The following ARHGAP8 variants were observed in gnomAD, a reference collection of about 807,000 sequenced individuals.
The protein encoded by ARHGAP8 is rho GTPase-activating protein 8.
A neutral mutation model predicts 46.1 loss-of-function variants in ARHGAP8; 62 were observed. That is an observed-to-expected ratio of 1.34 (90% confidence interval 1.10 to 1.66). The LOEUF (loss-of-function observed/expected upper bound fraction) is 1.66, where lower values mean the gene tolerates loss of function less well. Ranked by LOEUF, ARHGAP8 falls within the 40% of genes most tolerant of loss-of-function variation. The pLI, the probability that ARHGAP8 is intolerant of heterozygous loss-of-function variation, is 0.00. For missense variants in ARHGAP8, 923 were observed against 568.4 expected (o/e 1.62, Z -6.34); for synonymous variants, 375 against 243.1 (o/e 1.54, Z -5.05).
intron 2 of ARHGAP8, among the ~76,000 whole-genome samples, chr22:44,792,573 A>G (rs1200391655): frequency 2.0e-5 from 3 of 152,232 alleles, no homozygotes; most frequent in Non-Finnish European, 4.4e-5. Flanking sequence ...TTCTTCGGCC[A>G]AGGGCTCTCC....
intron 6 of ARHGAP8, 149 bp downstream of exon 6, chr22:44,822,618 C>T (rs764394516): frequency 2.9e-5 from 19 of 658,892 alleles, no homozygotes; most frequent in South Asian, 1.2e-4. Flanking sequence ...GACAAAGATC[C>T]GCAGCAAAAG....
chr22:44,842,549 G>A (rs1351512287), intron 7 of ARHGAP8, among the ~76,000 whole-genome samples: 1 of 152,190 alleles, frequency 6.6e-6, no homozygotes, highest in Non-Finnish European at 1.5e-5. Flanking sequence ...GGGGTCACAG[G>A]CAGACCTCAG....
At chr22:44,798,254 G>T (rs953173178) in intron 2 of ARHGAP8, among the ~76,000 whole-genome samples, 3 of 152,156 alleles carry the variant, frequency 2.0e-5, no homozygotes, top group African/African-American at 7.2e-5. Context: ...GGAATTACAT[G>T]AGTGAGCCAC....
intron 2 of ARHGAP8, among the ~76,000 whole-genome samples, chr22:44,788,911 G>A (rs1255741985): frequency 1.3e-5 from 2 of 152,140 alleles, no homozygotes; most frequent in Admixed American, 6.5e-5. Context: ...TCCTGTGCAC[G>A]TGGAAAGAAT....
rs149853709 is a variant in ARHGAP8 at position 44,859,809 on chromosome 22, G to A, written c.956G>A (p.Arg319His). The change falls in exon 11 of 12, where the codon CGC becomes CAC. Residue 319 changes from arginine to histidine, a missense_variant. Transcript: ENST00000356099. ...SLPEHNYVVL[R>H]YLMGFLHAVS... ...CCAGAGCACAACTACGTCGTCCTCCGCTACCTCATGGGCTTCCTGCATGCG... is the reference window on the plus strand; with the variant it reads ...CCAGAGCACAACTACGTCGTCCTCCACTACCTCATGGGCTTCCTGCATGCG... 3.3e-5 allele frequency: 54 copies of A among 1,613,862 alleles called. No individual in the cohort carries two copies. The highest frequency in any genetic ancestry group is 2.4e-4 in the South Asian group (22 of 91,082).
chr22:44,837,592 A>C (rs913242660), intron 7 of ARHGAP8, among the ~76,000 whole-genome samples: 1 of 152,176 alleles, frequency 6.6e-6, no homozygotes, highest in Non-Finnish European at 1.5e-5. Flanking sequence ...CCACCCAGCC[A>C]GGAAACACAG....
chr22:44,770,603 A>G (rs1047015402), intron 1 of ARHGAP8, among the ~76,000 whole-genome samples: 3 of 152,192 alleles, frequency 2.0e-5, no homozygotes, highest in African/African-American at 7.2e-5. Context: ...ACCAGGTTTT[A>G]CCATGATGCC....
rs144784309 is a variant in ARHGAP8, at chr22:44,799,395, G to A, written c.80-2682G>A. ...CGGCCAGAGGGCATTGCGGATGCGGGGGGCAACAGCTTTTCTGCAGAGGTG... is the reference window on the plus strand; with the variant it reads ...CGGCCAGAGGGCATTGCGGATGCGGAGGGCAACAGCTTTTCTGCAGAGGTG... On this transcript the variant is annotated intron_variant, in intron 2 of 11. Transcript: ENST00000356099. Among the ~76,000 whole-genome samples, 17 of 152,334 alleles carry A rather than the reference G, an allele frequency of 1.1e-4. No individual in the cohort carries two copies. In the South Asian group the frequency reaches 2.5e-3, roughly 22 times the overall value.
In ARHGAP8 at chr22:44,822,809, G is replaced by A. The variant is rs750501062; in HGVS notation, c.485+340G>A. Among the ~76,000 whole-genome samples the A allele has an allele frequency of 5.9e-5, 9 of 152,200 alleles. No individual in the cohort carries two copies. The East Asian group carries it at 7.7e-4, about 13-fold the overall frequency. On this transcript the variant is annotated intron_variant, in intron 6 of 11. Transcript: ENST00000356099. ...AGAAAATTAGGAGAATTTCCCAGGC[G>A]TGTGGATAACGCTGTGTACAGAATG...
chr22:44,825,557 C>A lies in ARHGAP8; in HGVS notation c.560C>A (p.Pro187Gln). 1.9e-6 allele frequency: 3 copies of A among 1,613,328 alleles called. No homozygotes were observed. The highest frequency in any genetic ancestry group is 1.7e-6 in the Non-Finnish European group (2 of 1,179,808). Reference sequence around the variant, plus strand: ...ACCAAGACACCACCGCCGCGGCCCCCGCTGCCCACACAGCAGTTTGGCGTC... The same window carrying A: ...ACCAAGACACCACCGCCGCGGCCCCAGCTGCCCACACAGCAGTTTGGCGTC... ...PPTKTPPPRP[P>Q]LPTQQFGVSL... is the part of the protein sequence containing the mutation. The change falls in exon 7 of 12, where the codon CCG (proline) becomes CAG (glutamine). Residue 187 changes from proline to glutamine, a missense_variant. Physicochemically the swap from Pro to Gln is moderately conservative, Grantham distance 76 (BLOSUM62 -1). Coordinates refer to ENST00000356099, the MANE Select transcript of ARHGAP8 (RefSeq NM_181335.3).
At chr22:44,848,170 A>C in intron 9 of ARHGAP8, 120 bp downstream of exon 9, 3 of 1,386,834 alleles carry the variant, frequency 2.2e-6, no homozygotes, top group South Asian at 1.3e-5. Context: ...CCCAGAAAAC[A>C]CTCAGGGTGG....
chr22:44,828,870 G>A (rs1482440616), intron 7 of ARHGAP8, among the ~76,000 whole-genome samples: 1 of 152,088 alleles, frequency 6.6e-6, no homozygotes, highest in East Asian at 1.9e-4. Flanking sequence ...GGCACACAGG[G>A]TCCCAGGGGT....
At chr22:44,814,793 T>C (rs1411627752) in intron 5 of ARHGAP8, 35 bp downstream of exon 5, 2 of 1,609,422 alleles carry the variant, frequency 1.2e-6, no homozygotes, top group East Asian at 2.2e-5. Flanking sequence ...CTCGCTGGGG[T>C]TGGAGGTTTC....
chr22:44,859,990 GGCCT>G (rs978010764), intron 11 of ARHGAP8, among the ~76,000 whole-genome samples, 156 bp downstream of exon 11: 10 of 148,268 alleles, frequency 6.7e-5, no homozygotes, highest in Admixed American at 4.8e-4. Flanking sequence ...CCTCATCCAA[GGCCT>G]GGTCAGGCAC....
At chr22:44,800,248 C>T (rs973578760) in intron 2 of ARHGAP8, among the ~76,000 whole-genome samples, 7 of 152,008 alleles carry the variant, frequency 4.6e-5, no homozygotes, top group Admixed American at 4.6e-4. Context: ...GGACTGTAGA[C>T]ATGTGCCACC....
At position 44,816,437 on chromosome 22, in the gene ARHGAP8, C is replaced by T. The variant is rs1268625537; in HGVS notation, c.386+1679C>T. ...CAAGGGCTACACTGCCCCGTCCCACCCTTGTCCCTGTGTCCCTTTGTCTCT... is the reference window on the plus strand; with the variant it reads ...CAAGGGCTACACTGCCCCGTCCCACTCTTGTCCCTGTGTCCCTTTGTCTCT... On this transcript the variant is annotated intron_variant, in intron 5 of 11. Coordinates refer to ENST00000356099, the MANE Select transcript of ARHGAP8 (RefSeq NM_181335.3). Among the ~76,000 whole-genome samples the T allele has an allele frequency of 5.9e-5, 9 of 152,312 alleles. No individual in the cohort carries two copies. In the South Asian group the frequency reaches 1.7e-3, roughly 28 times the overall value.
intron 1 of ARHGAP8, among the ~76,000 whole-genome samples, chr22:44,780,611 G>A (rs1569141248): frequency 6.6e-6 from 1 of 152,026 alleles, no homozygotes; most frequent in Non-Finnish European, 1.5e-5. Context: ...GCATTGAGCC[G>A]AGATCGCACC....
intron 2 of ARHGAP8, among the ~76,000 whole-genome samples, chr22:44,796,767 G>A (rs960589667): frequency 1.3e-5 from 2 of 152,186 alleles, no homozygotes; most frequent in African/African-American, 2.4e-5. Context: ...TGCATTGTTC[G>A]TAATAAAGCT....
intron 3 of ARHGAP8, among the ~76,000 whole-genome samples, chr22:44,807,119 C>A (rs1928985519): frequency 6.6e-6 from 1 of 152,160 alleles, no homozygotes; most frequent in Non-Finnish European, 1.5e-5. Context: ...GCAGAGCACC[C>A]CACCCACAGC....
Sources: allele counts gnomAD v4.1 joint callset (sites outside exome capture counted in the v4.1 genomes callset), GRCh38; gene constraint gnomAD v4.1.1; transcripts MANE v1.5; gene names NCBI Gene and HGNC (gene_info 2026-07-23, HGNC 2026-07-21).